UBASH3B: variants seen among roughly 807,000 people sequenced by gnomAD.
UBASH3B encodes ubiquitin-associated and SH3 domain-containing protein B.
UBASH3B carries 37 observed loss-of-function variants against 83.4 expected under a neutral mutation model. That is an observed-to-expected ratio of 0.44 (90% CI 0.34 to 0.58). UBASH3B has a LOEUF of 0.58. Ranked by LOEUF, UBASH3B falls within the 20% of genes least tolerant of loss-of-function variation. The pLI is 0.01. For synonymous variants in UBASH3B, 304 were observed against 318.3 expected, an observed-to-expected ratio of 0.96 and a Z score of 0.48; for missense variants, 657 against 827.2, an observed-to-expected ratio of 0.79 and a Z score of 2.52.
chr11:122,738,725 CA>C (rs1421904451), intron 1 of UBASH3B, among the ~76,000 whole-genome samples: 1 of 151,828 alleles, frequency 6.6e-6, no homozygotes, highest in Non-Finnish European at 1.5e-5. Context: ...CCCGTCTCTA[CA>C]AAAATACAAA....
chr11:122,727,188 T>G (rs1860756540), intron 1 of UBASH3B, among the ~76,000 whole-genome samples: 1 of 152,246 alleles, frequency 6.6e-6, no homozygotes, highest in South Asian at 2.1e-4. Flanking sequence ...CACATGTGCC[T>G]GCAAGTGCTC....
chr11:122,747,524 C>T (rs1861138134), intron 1 of UBASH3B, among the ~76,000 whole-genome samples: 1 of 152,056 alleles, frequency 6.6e-6, no homozygotes, highest in Non-Finnish European at 1.5e-5. Flanking sequence ...GGCTCTGTGT[C>T]CTTAGAGAGT....
chr11:122,736,839 C>T (rs554874355), intron 1 of UBASH3B, among the ~76,000 whole-genome samples: 21 of 152,112 alleles, frequency 1.4e-4, no homozygotes, highest in Middle Eastern at 3.4e-3. Flanking sequence ...CGCTTGAGCC[C>T]AGGAGTTTCA....
chr11:122,699,135 C>T (rs190174622), intron 1 of UBASH3B, among the ~76,000 whole-genome samples: 1 of 152,312 alleles, frequency 6.6e-6, no homozygotes, highest in Non-Finnish European at 1.5e-5. Context: ...CAGGCGTGAG[C>T]CACTGCGCCC....
At chr11:122,687,557 A>G (rs1863824967) in intron 1 of UBASH3B, among the ~76,000 whole-genome samples, 1 of 152,154 alleles carries the variant, frequency 6.6e-6, no homozygotes, top group African/African-American at 2.4e-5. Flanking sequence ...CACGAGAAAG[A>G]TATTAAGCAC....
intron 1 of UBASH3B, among the ~76,000 whole-genome samples, chr11:122,762,946 A>T (rs1860470379): frequency 6.6e-6 from 1 of 152,282 alleles, no homozygotes; most frequent in African/African-American, 2.4e-5. Context: ...AGTACCTAAT[A>T]TATGCCAAAC....
intron 1 of UBASH3B, among the ~76,000 whole-genome samples, chr11:122,705,510 C>T (rs1443344338): frequency 6.6e-6 from 1 of 150,468 alleles, no homozygotes; most frequent in African/African-American, 2.4e-5. Context: ...CCATTACTGA[C>T]AGTCAATCCA....
intron 1 of UBASH3B, among the ~76,000 whole-genome samples, chr11:122,708,440 T>C (rs747384902): frequency 6.6e-6 from 1 of 151,860 alleles, no homozygotes; most frequent in African/African-American, 2.4e-5. Context: ...TACAGGCATG[T>C]ACCACCACAC....
chr11:122,696,907 G>C (rs757835011), intron 1 of UBASH3B, among the ~76,000 whole-genome samples: 1 of 152,128 alleles, frequency 6.6e-6, no homozygotes, highest in African/African-American at 2.4e-5. Flanking sequence ...GGTTCCTCCC[G>C]CCCTGCCCTG....
rs140399059 is a variant in UBASH3B, at chr11:122,662,202, C to T, written c.161+5992C>T. Among the ~76,000 whole-genome samples the T allele has an allele frequency of 5.3e-3, 812 of 151,848 alleles. 5 individuals carry two copies. Among genetic ancestry groups the T allele is most frequent in the African/African-American group, 0.019 (773 of 41,422 alleles). On this transcript the variant is annotated intron_variant, in intron 1 of 13. Coordinates refer to ENST00000284273, the MANE Select transcript of UBASH3B (RefSeq NM_032873.5). ...GATTACAGGTGGGAGCCACCCTGCC[C>T]GGCCAGCCGATGTGCTTTTTTTAAA...
intron 11 of UBASH3B, among the ~76,000 whole-genome samples, chr11:122,804,383 G>A (rs536471618): frequency 2.6e-5 from 4 of 152,142 alleles, no homozygotes; most frequent in Non-Finnish European, 5.9e-5. Flanking sequence ...ATATGGGCAA[G>A]TTTCCTTCAA....
At chr11:122,748,845 C>G (rs746595926) in intron 1 of UBASH3B, among the ~76,000 whole-genome samples, 2 of 152,212 alleles carry the variant, frequency 1.3e-5, no homozygotes, top group Non-Finnish European at 2.9e-5. Context: ...TAACAAGTCC[C>G]TTGGATGTCA....
intron 1 of UBASH3B, among the ~76,000 whole-genome samples, chr11:122,752,795 A>C (rs1184704015): frequency 6.6e-6 from 1 of 152,216 alleles, no homozygotes; most frequent in Non-Finnish European, 1.5e-5. Context: ...CTTGAGGGCA[A>C]GGTCAGTAAC....
intron 1 of UBASH3B, among the ~76,000 whole-genome samples, chr11:122,746,184 G>A (rs1861115490): frequency 6.6e-6 from 1 of 152,200 alleles, no homozygotes; most frequent in Admixed American, 6.5e-5. Flanking sequence ...GCAAAGGATA[G>A]TGTTTCAACA....
At chr11:122,756,761 C>A (rs1010101288) in intron 1 of UBASH3B, among the ~76,000 whole-genome samples, 9 of 152,196 alleles carry the variant, frequency 5.9e-5, no homozygotes, top group Non-Finnish European at 1.2e-4. Context: ...TCTTAGGCTG[C>A]TCCCTATGAA....
At chr11:122,723,358 T>C (rs911403799) in intron 1 of UBASH3B, among the ~76,000 whole-genome samples, 2 of 152,210 alleles carry the variant, frequency 1.3e-5, no homozygotes, top group Non-Finnish European at 2.9e-5. Context: ...AGTTAGTGAA[T>C]AGTAGAGCCA....
chr11:122,698,907 A>G (rs1323657631), intron 1 of UBASH3B, among the ~76,000 whole-genome samples: 5 of 152,136 alleles, frequency 3.3e-5, no homozygotes, highest in Admixed American at 2.0e-4. Flanking sequence ...CTGGAGTGCA[A>G]TGTTGCGATC....
At chr11:122,746,985 A>C (rs1186880788) in intron 1 of UBASH3B, among the ~76,000 whole-genome samples, 2 of 152,178 alleles carry the variant, frequency 1.3e-5, no homozygotes, top group African/African-American at 2.4e-5. Flanking sequence ...CCAGCAGAAA[A>C]AGCAAAGTGG....
chr11:122,744,493 G>T (rs1412219356), intron 1 of UBASH3B, among the ~76,000 whole-genome samples: 1 of 152,054 alleles, frequency 6.6e-6, no homozygotes, highest in Middle Eastern at 3.4e-3. Context: ...TGTGTGTGTT[G>T]CATGAGCATG....
Sources: allele counts gnomAD v4.1 joint callset (sites outside exome capture counted in the v4.1 genomes callset), GRCh38; gene constraint gnomAD v4.1.1; transcripts MANE v1.5; gene names NCBI Gene and HGNC (gene_info 2026-07-23, HGNC 2026-07-21).